CYTH3: variants seen among roughly 807,000 people sequenced by gnomAD.
The protein encoded by CYTH3 is cytohesin 3.
In CYTH3, 23 loss-of-function variants were observed where a neutral mutation model predicts 55.1. The observed-to-expected ratio is 0.42, with a 90% CI of 0.30 to 0.59. CYTH3 has a LOEUF of 0.59. Among genes scored for constraint, CYTH3 ranks in the 20% least tolerant of loss-of-function variants. The pLI is 0.20. For missense variants in CYTH3, 413 were observed against 524.8 expected (o/e 0.79, Z 2.08); for synonymous variants, 249 against 194.9 (o/e 1.28, Z -2.31).
intron 4 of CYTH3, among the ~76,000 whole-genome samples, chr7:6,186,386 C>T (rs1056567404): frequency 6.6e-6 from 1 of 152,060 alleles, no homozygotes; most frequent in Non-Finnish European, 1.5e-5. Flanking sequence ...TTTCTCAAAA[C>T]CAAAATGTCC....
At chr7:6,208,857 A>T (rs1048884939) in intron 1 of CYTH3, among the ~76,000 whole-genome samples, 9 of 152,162 alleles carry the variant, frequency 5.9e-5, no homozygotes, top group Non-Finnish European at 1.0e-4. Flanking sequence ...AGTTTTTTAT[A>T]ACATGGTCTA....
In CYTH3 at chr7:6,164,623, G is replaced by A; in HGVS notation, c.*321C>T. On this transcript the variant is annotated 3_prime_UTR_variant, in exon 13 of 13. Transcript: ENST00000350796. The stretch of plus-strand genomic sequence containing the variant: ...CTGCTGTCCTGGCTTCTCCCCCTAG[G>A]GGCGCCGGGATGGTCGCAGGAAGGA... 1 of 386,224 alleles carries A rather than the reference G, an allele frequency of 2.6e-6. No individual in the cohort carries two copies. Among genetic ancestry groups the A allele is most frequent in the Non-Finnish European group, 4.8e-6 (1 of 208,906 alleles). The allele number at this position is 386,224 out of a possible 1,614,324, so 23.9% of individuals were successfully genotyped here.
rs144979213 is a variant in CYTH3 at position 6,199,173 on chromosome 7, G to C, written c.35-8642C>G. On this transcript the variant is annotated intron_variant, in intron 1 of 12. Transcript: ENST00000350796. ...TTCACATCATTCAGCCAAAATCCTT[G>C]CCTTTCTCAGGCACTAGCCTTCCAC... 5.9e-5 allele frequency among the ~76,000 whole-genome samples: 9 copies of C among 152,298 alleles called. No homozygotes were observed. The East Asian group carries it at 1.7e-3, about 29-fold the overall frequency.
Position 6,167,414 on chromosome 7 carries a change from G to GA in CYTH3, c.824-1605dup, listed in dbSNP as rs1209299205. The stretch of plus-strand genomic sequence containing the variant: ...TGCTCCAGCTTGAACTGCTGTGGCA[G>GA]AATCAGCTGACAGCAACTCCACTAC... On this transcript the variant is annotated intron_variant, in intron 9 of 12. Transcript: ENST00000350796. The surrounding 1 kb of genome is among the most constrained non-coding windows in gnomAD (Gnocchi z 5.5). 6.6e-6 allele frequency among the ~76,000 whole-genome samples: 1 copy of GA among 152,212 alleles called. No homozygotes were observed. The highest frequency in any genetic ancestry group is 1.5e-5 in the Non-Finnish European group (1 of 68,048).
At chr7:6,205,694 T>G (rs1254891653) in intron 1 of CYTH3, among the ~76,000 whole-genome samples, 1 of 151,932 alleles carries the variant, frequency 6.6e-6, no homozygotes, top group Non-Finnish European at 1.5e-5. Flanking sequence ...GTGGGCAATA[T>G]AGCAAGGCCC....
At chr7:6,272,410 G>GGGGGGGGGGGGCC in intron 1 of CYTH3, 64 bp downstream of exon 1, 3 of 1,216,610 alleles carry the variant, frequency 2.5e-6, no homozygotes, top group Non-Finnish European at 3.2e-6. Flanking sequence ...CCGCGCCCTC[G>GGGGGGGGGGGGCC]ACCCCCAGCC....
chr7:6,196,945 G>T (rs1032970853), intron 1 of CYTH3, among the ~76,000 whole-genome samples: 4 of 152,170 alleles, frequency 2.6e-5, no homozygotes, highest in Non-Finnish European at 5.9e-5. Flanking sequence ...TGCAAGGGGA[G>T]AGCTTTAATT....
intron 5 of CYTH3, among the ~76,000 whole-genome samples, chr7:6,175,984 A>G (rs1015653427): frequency 6.6e-5 from 10 of 152,204 alleles, no homozygotes; most frequent in African/African-American, 2.4e-4. Flanking sequence ...TGGGATTTCA[A>G]TAAGAAGTAC....
intron 1 of CYTH3, among the ~76,000 whole-genome samples, chr7:6,237,630 C>G (rs1018007065): frequency 3.9e-5 from 6 of 152,240 alleles, no homozygotes; most frequent in Admixed American, 1.3e-4. Flanking sequence ...ATCACTTGAA[C>G]CCGGGGGGCA....
At chr7:6,257,200 C>T (rs1015028000) in intron 1 of CYTH3, among the ~76,000 whole-genome samples, 3 of 152,184 alleles carry the variant, frequency 2.0e-5, no homozygotes, top group East Asian at 1.9e-4. Flanking sequence ...TCAAAGTCTA[C>T]AATCACTCAT....
At chr7:6,266,386 C>G (rs553862039) in intron 1 of CYTH3, among the ~76,000 whole-genome samples, 3 of 152,130 alleles carry the variant, frequency 2.0e-5, no homozygotes, top group African/African-American at 7.2e-5. Context: ...TAAATTAAGA[C>G]GCAGAAAGTA....
intron 1 of CYTH3, among the ~76,000 whole-genome samples, chr7:6,233,036 G>T (rs1053486562): frequency 2.0e-5 from 3 of 152,012 alleles, no homozygotes; most frequent in African/African-American, 7.3e-5. Context: ...TCAGCCTCCT[G>T]GTATCACAGG....
intron 9 of CYTH3, among the ~76,000 whole-genome samples, chr7:6,166,496 C>T (rs888842567): frequency 1.3e-5 from 2 of 152,226 alleles, no homozygotes; most frequent in African/African-American, 2.4e-5. Flanking sequence ...GCCTCTCCAG[C>T]GCTGCGGAGC....
At position 6,272,470 on chromosome 7, in the gene CYTH3, T is replaced by C; in HGVS notation, c.34+4A>G. 3 of 1,298,270 alleles carry C rather than the reference T, an allele frequency of 2.3e-6. No homozygotes were observed. Among genetic ancestry groups the C allele is most frequent in the Non-Finnish European group, 2.0e-6 (2 of 1,010,700 alleles). The allele number at this position is 1,298,270 out of a possible 1,614,324, so 80.4% of individuals were successfully genotyped here. ...GGCGAGCCCACCACACCTCCGACAC[T>C]CACCGCCACCACCCTCGCCGCCGCC... On this transcript the variant is annotated splice_donor_region_variant and intron_variant, in intron 1 of 12. Transcript: ENST00000350796.
At chr7:6,207,374 G>A (rs185389080) in intron 1 of CYTH3, among the ~76,000 whole-genome samples, 19 of 152,206 alleles carry the variant, frequency 1.2e-4, no homozygotes, top group Admixed American at 3.3e-4. Context: ...GACTACAGGC[G>A]TGAGCTGCCA....
chr7:6,186,662 A>G (rs910807387), intron 4 of CYTH3, among the ~76,000 whole-genome samples: 1 of 151,972 alleles, frequency 6.6e-6, no homozygotes, highest in Non-Finnish European at 1.5e-5. Flanking sequence ...CCAGGGTTCC[A>G]CTCCCACCCC....
At chr7:6,265,296 G>A (rs1222733882) in intron 1 of CYTH3, among the ~76,000 whole-genome samples, 1 of 151,470 alleles carries the variant, frequency 6.6e-6, no homozygotes, top group Non-Finnish European at 1.5e-5. Flanking sequence ...AGCCTATGAG[G>A]TTTACTATCC....
intron 1 of CYTH3, among the ~76,000 whole-genome samples, chr7:6,225,556 A>G (rs1361249764): frequency 6.6e-6 from 1 of 151,940 alleles, no homozygotes; most frequent in African/African-American, 2.4e-5. Flanking sequence ...GGGTTTCTCC[A>G]TGTTGGTCAG....
At chr7:6,255,190 G>C (rs976525657) in intron 1 of CYTH3, among the ~76,000 whole-genome samples, 3 of 152,158 alleles carry the variant, frequency 2.0e-5, no homozygotes, top group South Asian at 2.1e-4. Flanking sequence ...GGCTAGAAAT[G>C]ACAGAGCTGC....
Sources: gnomAD v4.1 joint callset for allele counts (sites outside exome capture counted in the v4.1 genomes callset) on GRCh38, gnomAD v4.1.1 for gene constraint, Gnocchi (gnomAD v3.1) non-coding constraint, MANE v1.5 for transcripts, NCBI Gene and HGNC (gene_info 2026-07-23, HGNC 2026-07-21) for gene names.